The following LHX1 variants were observed in gnomAD, a reference collection of about 807,000 sequenced individuals.
The protein encoded by LHX1 is LIM homeobox 1.
A neutral mutation model predicts 34.1 loss-of-function variants in LHX1; 9 were observed. That is an observed-to-expected ratio of 0.26 (90% CI 0.16 to 0.46). The LOEUF (loss-of-function observed/expected upper bound fraction) is 0.46, where lower values mean the gene tolerates loss of function less well. LHX1 is among the 20% of genes least tolerant of loss of function. The pLI is 1.00. For synonymous variants in LHX1, 254 were observed against 241.5 expected (o/e 1.05, Z -0.48); for missense variants, 446 against 559.1 (o/e 0.80, Z 2.04).
intron 3 of LHX1, among the ~76,000 whole-genome samples, chr17:36,941,983 A>C (rs998871932): frequency 1.3e-5 from 2 of 152,194 alleles, no homozygotes; most frequent in African/African-American, 4.8e-5. Context: ...CGGCCTGTCC[A>C]GGTCCTCCTG....
At chr17:36,942,409 G>C in intron 4 of LHX1, 44 bp downstream of exon 4, 1 of 1,547,714 alleles carries the variant, frequency 6.5e-7, no homozygotes, top group Non-Finnish European at 8.7e-7. Context: ...GTCGGGGCGG[G>C]CTTCGTTGGA....
rs1252777107 is a variant in LHX1 at position 36,943,951 on chromosome 17, T to G, written c.*820T>G. ...AAAAGTTAAAAAAAAAAAAAAAGAC[T>G]ATTGAACTAAAAACAGTCAACTGTT... On this transcript the variant is annotated 3_prime_UTR_variant, in exon 5 of 5. Coordinates refer to ENST00000614239, the MANE Select transcript of LHX1 (RefSeq NM_005568.5). 1 of 149,900 alleles carries G rather than the reference T, an allele frequency of 6.7e-6. No individual in the cohort carries two copies. The highest frequency in any genetic ancestry group is 1.5e-5 in the Non-Finnish European group (1 of 67,460). The allele number at this position is 149,900 out of a possible 1,614,324, so 9.3% of individuals were successfully genotyped here. A position where few individuals can be genotyped will look rare whatever the true frequency, so the allele number is the denominator to read the frequency against.
Position 36,943,029 on chromosome 17 carries a change from C to T in LHX1, c.1119C>T (p.Phe373=), listed in dbSNP as rs2070777627. The T allele has an allele frequency of 1.9e-6, 3 of 1,607,560 alleles. No individual in the cohort carries two copies. Among genetic ancestry groups the T allele is most frequent in the South Asian group, 1.1e-5 (1 of 90,934 alleles). ...GPLHSMSAEV[F]GPSPPFSSLS... ...TGCACTCCATGTCGGCCGAGGTCTTCGGACCCAGCCCGCCCTTCTCGTCGC... is the reference window on the plus strand; with the variant it reads ...TGCACTCCATGTCGGCCGAGGTCTTTGGACCCAGCCCGCCCTTCTCGTCGC... Residue 373 remains phenylalanine, a synonymous_variant, in exon 5 of 5, where the codon TTC becomes TTT. Transcript: ENST00000614239.
At chr17:36,942,139 G>C in intron 3 of LHX1, 61 bp from the exon 4 acceptor site, 1 of 1,524,434 alleles carries the variant, frequency 6.6e-7, no homozygotes, top group Non-Finnish European at 8.8e-7. Flanking sequence ...GGCTAGGCCC[G>C]GAGCACCCCG....
intron 3 of LHX1, chr17:36,941,409 G>T (rs2070764301): frequency 3.0e-6 from 1 of 333,662 alleles, no homozygotes; most frequent in South Asian, 2.4e-5. Flanking sequence ...CTTCCAGCGG[G>T]TTGGAGTGAA....
upstream of LHX1, chr17:36,937,282 C>G: frequency 2.3e-6 from 1 of 442,098 alleles, no homozygotes; most frequent in South Asian, 1.6e-5. Context: ...CGAAGGAGCC[C>G]GGGCGCAGGG....
chr17:36,939,399 G>A (rs1371102755), intron 1 of LHX1, among the ~76,000 whole-genome samples: 1 of 152,200 alleles, frequency 6.6e-6, no homozygotes, highest in Non-Finnish European at 1.5e-5. Flanking sequence ...GGGATTCAAA[G>A]CCACTCAGAG....
chr17:36,942,900 G>T lies in LHX1; in HGVS notation c.990G>T (p.Pro330=). Residue 330 remains proline, a synonymous_variant, in exon 5 of 5, where the codon CCG becomes CCT. Transcript: ENST00000614239. ...SGTPLGGLEH[P]LPGHHPSSEA... is the part of the protein sequence containing the mutation. ...CGCCCCTGGGTGGCCTGGAGCACCCGCTGCCGGGCCACCACCCGTCGAGCG... is the reference window on the plus strand; with the variant it reads ...CGCCCCTGGGTGGCCTGGAGCACCCTCTGCCGGGCCACCACCCGTCGAGCG... 6.3e-7 allele frequency: 1 copy of T among 1,596,840 alleles called. No homozygotes were observed. The highest frequency in any genetic ancestry group is 8.5e-7 in the Non-Finnish European group (1 of 1,171,698).
chr17:36,937,298 C>G, upstream of LHX1: 1 of 427,338 alleles, frequency 2.3e-6, no homozygotes, highest in Non-Finnish European at 4.7e-6. Context: ...CAGGGAGGGT[C>G]GCCCTGAGGA....
upstream of LHX1, chr17:36,937,096 C>G (rs1354725123): frequency 8.7e-6 from 3 of 344,300 alleles, no homozygotes; most frequent in East Asian, 3.9e-4. Flanking sequence ...GCCACCACAA[C>G]GAAAAAAAGA....
intron 3 of LHX1, 152 bp from the exon 4 acceptor site, chr17:36,942,048 G>C: frequency 1.4e-6 from 1 of 730,582 alleles, no homozygotes; most frequent in Non-Finnish European, 2.2e-6. Flanking sequence ...CCTAGTCAGA[G>C]ATCGCACCGT....
In LHX1 at chr17:36,940,585, G is replaced by A. The variant is rs779744583; in HGVS notation, c.398-25G>A. 5.6e-6 allele frequency: 9 copies of A among 1,613,550 alleles called. No individual in the cohort carries two copies. In the Admixed American group the frequency reaches 1.0e-4, roughly 18 times the overall value. Reference sequence around the variant, plus strand: ...GGGGAGGAAGGCTCGCCAAGGCCCCGGCTCATCTGTCCTTTCCCTCTTAGC... The same window carrying A: ...GGGGAGGAAGGCTCGCCAAGGCCCCAGCTCATCTGTCCTTTCCCTCTTAGC... On this transcript the variant is annotated intron_variant, in intron 2 of 4. Transcript: ENST00000614239.
rs530690562 is a variant in LHX1 at position 36,938,193 on chromosome 17, A to G, written c.-5A>G. ...TCTGGGCCTCATCAGACCAAACCAA[A>G]GACCATGGTTCACTGTGCCGGCTGC... On this transcript the variant is annotated 5_prime_UTR_variant, in exon 1 of 5. Coordinates refer to ENST00000614239, the MANE Select transcript of LHX1 (RefSeq NM_005568.5). The G allele has an allele frequency of 7.6e-5, 123 of 1,613,408 alleles. No homozygotes were observed. Among genetic ancestry groups the G allele is most frequent in the Non-Finnish European group, 1.0e-4 (119 of 1,179,970 alleles).
Position 36,937,872 on chromosome 17 carries a change from C to T in LHX1, c.-326C>T. 1 of 603,958 alleles carries T rather than the reference C, an allele frequency of 1.7e-6. No individual in the cohort carries two copies. The highest frequency in any genetic ancestry group is 3.1e-6 in the Non-Finnish European group (1 of 322,714). 37.4% of individuals were successfully genotyped at this position (603,958 alleles called of 1,614,324 possible). On this transcript the variant is annotated 5_prime_UTR_variant, in exon 1 of 5. Transcript: ENST00000614239. ...GCCGTTCTCGCTGACCTTCACTCCT[C>T]CGCGGGCTCTGAGCAGAAGGGTCGC...
rs774913157 is a variant in LHX1 at position 36,937,721 on chromosome 17, C to A, written c.-477C>A. 11 of 445,792 alleles carry A rather than the reference C, an allele frequency of 2.5e-5. 1 individual carries two copies. Among genetic ancestry groups the A allele is most frequent in the East Asian group, 2.1e-4 (3 of 14,138 alleles). 27.6% of individuals were successfully genotyped at this position (445,792 alleles called of 1,614,324 possible). On this transcript the variant is annotated 5_prime_UTR_variant, in exon 1 of 5. Coordinates refer to ENST00000614239, the MANE Select transcript of LHX1 (RefSeq NM_005568.5). ...CCTCATACCCCGACAAAAGCAGATG[C>A]ACTTTGACTTCTGACAGCTCTACCT...
At chr17:36,942,115 G>T in intron 3 of LHX1, 85 bp from the exon 4 acceptor site, 2 of 1,405,530 alleles carry the variant, frequency 1.4e-6, no homozygotes, top group South Asian at 2.5e-5. Context: ...CTAGCCAGGC[G>T]GTGAAGGGGT....
In LHX1 at chr17:36,944,409, C is replaced by G. The variant is rs1356066552; in HGVS notation, c.*1278C>G. On this transcript the variant is annotated 3_prime_UTR_variant, in exon 5 of 5. Coordinates refer to ENST00000614239, the MANE Select transcript of LHX1 (RefSeq NM_005568.5). ...TTTTTGTGTCTTTAAAATAAAAGTC[C>G]AAAATATTTAAATTTTATGGTCAAA... The G allele has an allele frequency of 6.6e-6, 1 of 151,844 alleles. No individual in the cohort carries two copies. Among genetic ancestry groups the G allele is most frequent in the Non-Finnish European group, 1.5e-5 (1 of 67,994 alleles). 9.4% of individuals were successfully genotyped at this position (151,844 alleles called of 1,614,324 possible).
At chr17:36,939,894 A>C (rs1014110887) in intron 1 of LHX1, among the ~76,000 whole-genome samples, 2 of 152,238 alleles carry the variant, frequency 1.3e-5, no homozygotes, top group Admixed American at 1.3e-4. Context: ...ACTTTTCTGA[A>C]TCTAATCGGA....
Position 36,942,954 on chromosome 17 carries a change from G to T in LHX1, c.1044G>T (p.Ala348=), listed in dbSNP as rs747372404. The change falls in exon 5 of 5, where the codon GCG becomes GCT. Residue 348 remains alanine, a synonymous_variant. Coordinates refer to ENST00000614239, the MANE Select transcript of LHX1 (RefSeq NM_005568.5). ...SEAQRFTDIL[A]HPPGDSPSPE... ...CGCAGCGGTTTACCGACATCCTGGC[G>T]CACCCACCCGGGGACTCGCCCAGCC... 13 of 1,609,588 alleles carry T rather than the reference G, an allele frequency of 8.1e-6. No individual in the cohort carries two copies. The highest frequency in any genetic ancestry group is 1.1e-5 in the Non-Finnish European group (13 of 1,178,598).
Sources: allele counts gnomAD v4.1 joint callset (sites outside exome capture counted in the v4.1 genomes callset), GRCh38; gene constraint gnomAD v4.1.1; transcripts MANE v1.5; gene names NCBI Gene and HGNC (gene_info 2026-07-23, HGNC 2026-07-21).